The following SORL1 variants were observed in gnomAD, a reference collection of about 807,000 sequenced individuals.
SORL1 encodes sortilin-related receptor.
In SORL1, 127 loss-of-function variants were observed where a neutral mutation model predicts 273.7. The observed-to-expected ratio is 0.46, with a 90% CI of 0.40 to 0.54. SORL1 has a LOEUF of 0.54. SORL1 is among the 20% of genes least tolerant of loss of function. The probability of loss-of-function intolerance (pLI) is 0.00; values close to 1 mark genes in which losing one functional copy is unlikely to be tolerated. For missense variants in SORL1, 2,494 were observed against 2,846.1 expected (o/e 0.88, Z 2.81); for synonymous variants, 1,031 against 1,067.4 (o/e 0.97, Z 0.66).
intron 26 of SORL1, among the ~76,000 whole-genome samples, chr11:121,584,516 ATACCT>A (rs1863063613): frequency 1.1e-5 from 1 of 93,912 alleles, no homozygotes; most frequent in African/African-American, 2.8e-5. Context: ...TTTCATACTT[ATACCT>A]AATCCTCAAG....
At chr11:121,521,142 G>A (rs1862037026) in intron 9 of SORL1, among the ~76,000 whole-genome samples, 1 of 150,948 alleles carries the variant, frequency 6.6e-6, no homozygotes, top group South Asian at 2.1e-4. Context: ...TTGGATTTTT[G>A]AATTTTGTTT....
intron 27 of SORL1, 138 bp downstream of exon 27, chr11:121,586,467 G>A: frequency 4.2e-6 from 3 of 706,764 alleles, no homozygotes; most frequent in Non-Finnish European, 7.6e-6. Context: ...TGAGTACTTG[G>A]CTAGGACTCC....
At chr11:121,559,885 G>A (rs994501937) in intron 21 of SORL1, among the ~76,000 whole-genome samples, 1 of 152,152 alleles carries the variant, frequency 6.6e-6, no homozygotes, top group Non-Finnish European at 1.5e-5. Context: ...GTGCTTGGTG[G>A]GTAATTACAC....
rs576051531 is a variant in SORL1, at chr11:121,606,930, C to T, written c.5034C>T (p.His1678=). 2 of 1,613,694 alleles carry T rather than the reference C, an allele frequency of 1.2e-6. No homozygotes were observed. The highest frequency in any genetic ancestry group is 2.2e-5 in the South Asian group (2 of 91,078). ...VIVGHWAPPI[H]THGLIREYIV... is the part of the protein sequence containing the mutation. ...TAGGCCACTGGGCTCCTCCCATCCA[C>T]ACCCATGGCCTCATCCGTGAGTACA... is the stretch of plus-strand genomic sequence containing the variant. The change falls in exon 36 of 48, where the codon CAC becomes CAT. Residue 1678 remains histidine, a synonymous_variant. Transcript: ENST00000260197.
intron 5 of SORL1, among the ~76,000 whole-genome samples, chr11:121,492,252 T>G (rs909761002): frequency 6.6e-6 from 1 of 152,062 alleles, no homozygotes; most frequent in Non-Finnish European, 1.5e-5. Context: ...TCCCAGCTAC[T>G]CGGGAGGCTG....
rs1860923696 is a variant in SORL1, at chr11:121,457,361, C to T, written c.285+4745C>T. Among the ~76,000 whole-genome samples the T allele has an allele frequency of 2.0e-5, 3 of 152,132 alleles. No homozygotes were observed. In the South Asian group the frequency reaches 6.2e-4, roughly 32 times the overall value. On this transcript the variant is annotated intron_variant, in intron 1 of 47. Coordinates refer to ENST00000260197, the MANE Select transcript of SORL1 (RefSeq NM_003105.6). ...GTAACAAATTTCCTTCCCTCTCATG[C>T]CCCCTGTTCACCCAGAGCTCCTTTC...
chr11:121,559,694 G>C, intron 21 of SORL1, 37 bp downstream of exon 21: 1 of 1,604,546 alleles, frequency 6.2e-7, no homozygotes, highest in Non-Finnish European at 8.5e-7. Flanking sequence ...CTGTAGAGTT[G>C]ATCTCAAGAA....
chr11:121,513,942 G>T (rs1315861491), intron 7 of SORL1, among the ~76,000 whole-genome samples: 1 of 152,230 alleles, frequency 6.6e-6, no homozygotes, highest in Non-Finnish European at 1.5e-5. Flanking sequence ...CCATTTGCCA[G>T]TAAGGGGCCC....
chr11:121,535,640 A>G (rs1158123836), intron 12 of SORL1, among the ~76,000 whole-genome samples: 3 of 151,074 alleles, frequency 2.0e-5, no homozygotes, highest in Admixed American at 6.6e-5. Flanking sequence ...GGGGACAGCA[A>G]TTGAAGCATT....
chr11:121,562,551 G>T (rs1159023280), intron 21 of SORL1, among the ~76,000 whole-genome samples: 2 of 152,204 alleles, frequency 1.3e-5, no homozygotes, highest in Admixed American at 6.5e-5. Flanking sequence ...AGCGTCTCAT[G>T]CTGTTGATGC....
chr11:121,465,484 T>C (rs76633884), intron 1 of SORL1, among the ~76,000 whole-genome samples: 6,229 of 152,116 alleles, frequency 0.041, 354 homozygotes, highest in East Asian at 0.18. Context: ...AGATTCATTG[T>C]TTCCCAAAGA....
chr11:121,542,762 G>A (rs1018481399), intron 12 of SORL1, among the ~76,000 whole-genome samples: 1 of 151,504 alleles, frequency 6.6e-6, no homozygotes, highest in African/African-American at 2.4e-5. Flanking sequence ...TTAGCATCCA[G>A]TGATGATCCT....
intron 31 of SORL1, 78 bp downstream of exon 31, chr11:121,591,234 A>G: frequency 1.3e-6 from 2 of 1,500,238 alleles, no homozygotes; most frequent in Non-Finnish European, 1.8e-6. Context: ...TCTGGGCACA[A>G]TCCAACCGGG....
rs561961871 is a variant in SORL1 at position 121,467,485 on chromosome 11, C to T, written c.286-2522C>T. 3.3e-5 allele frequency among the ~76,000 whole-genome samples: 5 copies of T among 152,252 alleles called. No individual in the cohort carries two copies. The East Asian group carries it at 9.6e-4, about 29-fold the overall frequency. ...CATTTTGATGTCATCTTTGAGGATG[C>T]CCAAGTTGAATATTTGAGGACTTTT... On this transcript the variant is annotated intron_variant, in intron 1 of 47. Transcript: ENST00000260197.
chr11:121,519,428 G>A (rs1463755832), intron 8 of SORL1, among the ~76,000 whole-genome samples: 4 of 149,492 alleles, frequency 2.7e-5, no homozygotes, highest in Non-Finnish European at 5.9e-5. Context: ...TTTTTTTTGA[G>A]ACGGAGTCTC....
Position 121,520,856 on chromosome 11 carries a change from A to G in SORL1, c.1404+7A>G. The G allele has an allele frequency of 3.2e-6, 5 of 1,577,028 alleles. No individual in the cohort carries two copies. The highest frequency in any genetic ancestry group is 4.3e-6 in the Non-Finnish European group (5 of 1,164,946). ...AGAGAAAATCAATTGTGAGGTATTGATGCTTTAATCTTCTTTTGCTTTTTA... is the reference window on the plus strand; with the variant it reads ...AGAGAAAATCAATTGTGAGGTATTGGTGCTTTAATCTTCTTTTGCTTTTTA... On this transcript the variant is annotated splice_region_variant and intron_variant, in intron 9 of 47. Transcript: ENST00000260197.
In SORL1 at chr11:121,476,283, C is replaced by G. The variant is rs1027747403; in HGVS notation, c.403-1835C>G. Among the ~76,000 whole-genome samples the G allele has an allele frequency of 7.2e-5, 11 of 152,232 alleles. 1 individual carries two copies. The highest frequency in any genetic ancestry group is 2.7e-4 in the African/African-American group (11 of 41,452). On this transcript the variant is annotated intron_variant, in intron 2 of 47. Coordinates refer to ENST00000260197, the MANE Select transcript of SORL1 (RefSeq NM_003105.6). Reference sequence around the variant, plus strand: ...TACCCACTCAGATTATCTGTGAACTCTCAGCCTGCACAATTTCTGAAGCTG... The same window carrying G: ...TACCCACTCAGATTATCTGTGAACTGTCAGCCTGCACAATTTCTGAAGCTG...
At chr11:121,487,442 G>A (rs681970) in intron 3 of SORL1, among the ~76,000 whole-genome samples, 55,617 of 152,078 alleles carry the variant, frequency 0.37, 10,555 homozygotes, top group East Asian at 0.54. Context: ...GCTACTTACT[G>A]CTCTGCCCCA....
chr11:121,541,244 C>T (rs1387042948), intron 12 of SORL1, among the ~76,000 whole-genome samples: 2 of 151,416 alleles, frequency 1.3e-5, no homozygotes, highest in Non-Finnish European at 2.9e-5. Context: ...CTCTGTCATC[C>T]AGGTGGGACT....
Sources: allele counts gnomAD v4.1 joint callset (sites outside exome capture counted in the v4.1 genomes callset), GRCh38; gene constraint gnomAD v4.1.1; transcripts MANE v1.5; gene names NCBI Gene and HGNC (gene_info 2026-07-23, HGNC 2026-07-21).